The following PTPRQ variants were observed in gnomAD, a reference collection of about 807,000 sequenced individuals.
PTPRQ encodes the protein protein tyrosine phosphatase receptor type Q, also known as phosphatidylinositol phosphatase PTPRQ.
Under a neutral mutation model 246.0 loss-of-function variants are expected in PTPRQ, and 199 were observed. The ratio of observed to expected loss-of-function variants is 0.81; its 90% CI spans 0.72 to 0.91. PTPRQ has a LOEUF of 0.91. Among genes scored for constraint, PTPRQ ranks in the 40% least tolerant of loss-of-function variants. The probability of loss-of-function intolerance (pLI) is 0.00; values close to 1 mark genes in which losing one functional copy is unlikely to be tolerated. For missense variants in PTPRQ, 2,624 were observed against 2,528.4 expected, an observed-to-expected ratio of 1.04 and a Z score of -0.81; for synonymous variants, 869 against 853.2, an observed-to-expected ratio of 1.02 and a Z score of -0.32.
At chr12:80,644,672 A>G (rs368816928) in intron 35 of PTPRQ, among the ~76,000 whole-genome samples, 2 of 152,228 alleles carry the variant, frequency 1.3e-5, no homozygotes, top group African/African-American at 4.8e-5. Context: ...CTCAGTGATA[A>G]GTTAGTGCAT....
At chr12:80,471,483 T>TTTTTTTTG (rs1432393923) in intron 7 of PTPRQ, among the ~76,000 whole-genome samples, 2 of 40,020 alleles carry the variant, frequency 5.0e-5, no homozygotes, top group Admixed American at 2.4e-4. Context: ...CATTTTTTTT[T>TTTTTTTTG]TTTTTTTTAT....
intron 27 of PTPRQ, among the ~76,000 whole-genome samples, chr12:80,606,668 A>ATGTATGTATGTAT (rs1363222794): frequency 6.6e-6 from 1 of 150,954 alleles, no homozygotes; most frequent in Non-Finnish European, 1.5e-5. Context: ...ATGTCTTTGT[A>ATGTATGTATGTAT]GTATTCCTTA....
chr12:80,466,177 T>C (rs1280579409), intron 6 of PTPRQ, among the ~76,000 whole-genome samples: 2 of 152,180 alleles, frequency 1.3e-5, no homozygotes, highest in Non-Finnish European at 2.9e-5. Flanking sequence ...ACAAAATCAA[T>C]GTACAAAAAT....
intron 25 of PTPRQ, among the ~76,000 whole-genome samples, chr12:80,554,278 T>A (rs1047378391): frequency 1.3e-5 from 2 of 152,224 alleles, no homozygotes; most frequent in African/African-American, 4.8e-5. Context: ...TTTACCCTGA[T>A]GTGATTATTA....
intron 17 of PTPRQ, among the ~76,000 whole-genome samples, chr12:80,523,563 T>C: frequency 6.6e-6 from 1 of 152,204 alleles, no homozygotes; most frequent in East Asian, 1.9e-4. Flanking sequence ...TGGTATGTTG[T>C]GTCTTTGTTC....
Position 80,542,071 on chromosome 12 carries a change from T to G in PTPRQ, c.3446-18T>G. ...GATTCACTTTTGTTTCATTTAATAT[T>G]CTCTTTTTCTTTTATAGTCCCAGAA... On this transcript the variant is annotated intron_variant, in intron 21 of 44. Transcript: ENST00000644991. 6.5e-7 allele frequency: 1 copy of G among 1,529,054 alleles called. No homozygotes were observed. Among genetic ancestry groups the G allele is most frequent in the Non-Finnish European group, 8.8e-7 (1 of 1,141,412 alleles). 94.7% of individuals were successfully genotyped at this position (1,529,054 alleles called of 1,614,324 possible). A position where few individuals can be genotyped will look rare whatever the true frequency, so the allele number is the denominator to read the frequency against.
rs1893082040 is a variant in PTPRQ, at chr12:80,459,462, T to G, written c.639T>G (p.Thr213=). ...CAATCAGAGTAGAGGACATTTTGAC[T>G]GGGAAATTGCCAGAATGCAATGTAA... ...DVSIRVEDIL[T]GKLPECNENS... The change falls in exon 5 of 45, where the codon ACT becomes ACG. Residue 213 remains threonine (T), a synonymous_variant. Transcript: ENST00000644991. The G allele has an allele frequency of 2.5e-6, 1 of 398,464 alleles. No individual in the cohort carries two copies. The highest frequency in any genetic ancestry group is 4.4e-6 in the Non-Finnish European group (1 of 225,954). The allele number at this position is 398,464 out of a possible 1,614,324, so 24.7% of individuals were successfully genotyped here. A position where few individuals can be genotyped will look rare whatever the true frequency, so the allele number is the denominator to read the frequency against.
Position 80,679,035 on chromosome 12 carries a change from A to G in PTPRQ, c.*12A>G. 6.5e-7 allele frequency: 1 copy of G among 1,544,828 alleles called. No individual in the cohort carries two copies. Among genetic ancestry groups the G allele is most frequent in the Non-Finnish European group, 8.7e-7 (1 of 1,144,224 alleles). ...AAACCACTATGTAAATATTCAGACC[A>G]AAGGATACAATTGGAAGAGATTTTT... On this transcript the variant is annotated 3_prime_UTR_variant, in exon 45 of 45. Coordinates refer to ENST00000644991, the MANE Select transcript of PTPRQ (RefSeq NM_001145026.2).
intron 25 of PTPRQ, among the ~76,000 whole-genome samples, chr12:80,563,275 A>G (rs1896880621): frequency 6.6e-6 from 1 of 152,004 alleles, no homozygotes; most frequent in Admixed American, 6.5e-5. Flanking sequence ...GTGTTCATAG[A>G]TGGTTCCTTC....
intron 43 of PTPRQ, among the ~76,000 whole-genome samples, chr12:80,677,032 A>G (rs1460277597): frequency 6.6e-6 from 1 of 152,118 alleles, no homozygotes; most frequent in Non-Finnish European, 1.5e-5. Context: ...AATAACACAT[A>G]ACGGCAGAAG....
At chr12:80,604,825 T>G (rs1311494771) in intron 26 of PTPRQ, among the ~76,000 whole-genome samples, 1 of 151,556 alleles carries the variant, frequency 6.6e-6, no homozygotes. Context: ...AATAATGAAC[T>G]TATGATTTTA....
At chr12:80,629,375 T>G (rs79947896) in intron 33 of PTPRQ, among the ~76,000 whole-genome samples, 2,432 of 152,218 alleles carry the variant, frequency 0.016, 67 homozygotes, top group African/African-American at 0.055. Flanking sequence ...GCCCATAATA[T>G]ATGATCATTG....
intron 38 of PTPRQ, among the ~76,000 whole-genome samples, chr12:80,656,548 G>A (rs891678229): frequency 2.6e-5 from 4 of 152,014 alleles, no homozygotes; most frequent in Admixed American, 2.6e-4. Context: ...ATCATTACTG[G>A]ATGTTTCAAT....
intron 27 of PTPRQ, among the ~76,000 whole-genome samples, chr12:80,605,972 G>C (rs1264219841): frequency 2.6e-5 from 4 of 151,044 alleles, no homozygotes; most frequent in Admixed American, 2.6e-4. Flanking sequence ...CAAGGAAAAA[G>C]AACAGAGGAA....
intron 17 of PTPRQ, among the ~76,000 whole-genome samples, chr12:80,520,202 C>A (rs1895429820): frequency 6.6e-6 from 1 of 152,044 alleles, no homozygotes; most frequent in South Asian, 2.1e-4. Context: ...TTGTATCTCC[C>A]ATAATTTCCA....
chr12:80,637,964 T>C (rs1050903333), intron 35 of PTPRQ, among the ~76,000 whole-genome samples: 1 of 152,100 alleles, frequency 6.6e-6, no homozygotes, highest in Non-Finnish European at 1.5e-5. Context: ...CCATAATTTC[T>C]CTTAAATCTA....
chr12:80,481,831 C>T (rs1043711979), intron 8 of PTPRQ, among the ~76,000 whole-genome samples: 12 of 152,088 alleles, frequency 7.9e-5, no homozygotes, highest in East Asian at 3.9e-4. Flanking sequence ...ATGTGAAGGA[C>T]GTCTTCAAGG....
chr12:80,542,150 A>T lies in PTPRQ; in HGVS notation c.3507A>T (p.Leu1169Phe). 1 of 1,551,080 alleles carries T rather than the reference A, an allele frequency of 6.4e-7. No individual in the cohort carries two copies. The highest frequency in any genetic ancestry group is 8.7e-7 in the Non-Finnish European group (1 of 1,146,690). Residue 1169 changes from leucine to phenylalanine, a missense_variant, in exon 22 of 45, where the codon TTA (leucine) becomes TTT (phenylalanine). Coordinates refer to ENST00000644991, the MANE Select transcript of PTPRQ (RefSeq NM_001145026.2). ...FKNLSSTSVL[L>F]SWDPPVKPNG... The stretch of plus-strand genomic sequence containing the variant: ...ACCTTTCCTCTACCTCAGTTCTCTT[A>T]TCATGGGATCCCCCAGTAAAGCCAA...
chr12:80,483,461 G>T (rs1297632300), intron 8 of PTPRQ, among the ~76,000 whole-genome samples: 2 of 150,330 alleles, frequency 1.3e-5, no homozygotes, highest in Non-Finnish European at 3.0e-5. Context: ...CACCAGCGTG[G>T]CACATGTATA....
Sources: gnomAD v4.1 joint callset for allele counts (sites outside exome capture counted in the v4.1 genomes callset) on GRCh38, gnomAD v4.1.1 for gene constraint, MANE v1.5 for transcripts, NCBI Gene and HGNC (gene_info 2026-07-23, HGNC 2026-07-21) for gene names.